FAM186B: variants seen among roughly 807,000 people sequenced by gnomAD.
FAM186B encodes protein FAM186B.
A neutral mutation model predicts 83.4 loss-of-function variants in FAM186B; 68 were observed. The ratio of observed to expected loss-of-function variants is 0.81; its 90% CI spans 0.67 to 1.00. FAM186B has a LOEUF of 1.00. Ranked by LOEUF, FAM186B falls within the 50% of genes least tolerant of loss-of-function variation. The pLI, the probability that FAM186B is intolerant of heterozygous loss-of-function variation, is 0.00. For missense variants in FAM186B, 983 were observed against 1,099.2 expected (o/e 0.89, Z 1.49); for synonymous variants, 389 against 422.0 (o/e 0.92, Z 0.96).
At chr12:49,584,330 A>G, downstream of FAM186B, 1 of 592,294 alleles carries the variant, frequency 1.7e-6, no homozygotes, top group Admixed American at 2.9e-5. Flanking sequence ...TGGGGACTGC[A>G]GGAGGGAAGC....
At chr12:49,587,867 A>AGTGT (rs1939485094) in intron 6 of FAM186B, 115 bp from the exon 7 acceptor site, 2 of 1,151,914 alleles carry the variant, frequency 1.7e-6, no homozygotes, top group Non-Finnish European at 2.4e-6. Context: ...TCTCAAATCG[A>AGTGT]GTGTGTCACT....
the FAM186B span, among the ~76,000 whole-genome samples, chr12:49,621,904 A>C: frequency 6.6e-6 from 1 of 152,140 alleles, no homozygotes; most frequent in Non-Finnish European, 1.5e-5. Context: ...AGAGGTGAAA[A>C]CGTTGCCTCC....
Position 49,600,980 on chromosome 12 carries a change from C to T in FAM186B, c.660G>A (p.Leu220=). The T allele has an allele frequency of 6.2e-7, 1 of 1,614,108 alleles. No homozygotes were observed. Among genetic ancestry groups the T allele is most frequent in the Non-Finnish European group, 8.5e-7 (1 of 1,179,998 alleles). Residue 220 remains leucine (L), a synonymous_variant, in exon 4 of 7, where the codon CTG becomes CTA. Transcript: ENST00000257894. The surrounding 1 kb of genome is among the most constrained non-coding windows in gnomAD (Gnocchi z 4.3). The stretch of plus-strand genomic sequence containing the variant: ...CCCCCTTGCTGAACATGGTAGAGTC[C>T]AGGAGCTCCTGCAGCATGGACGTCA... ...SEVTSMLQEL[L]DSTMFSKGEV... is the part of the protein sequence containing the mutation.
Position 49,603,293 on chromosome 12 carries a change from C to T in FAM186B, c.397G>A (p.Val133Met), listed in dbSNP as rs1178754342. 6.2e-7 allele frequency: 1 copy of T among 1,614,226 alleles called. No homozygotes were observed. Among genetic ancestry groups the T allele is most frequent in the South Asian group, 1.1e-5 (1 of 91,086 alleles). ...EAAALDEWIE[V>M]TEKVLPLSLI... ...GACAGCGGTAACACTTTCTCCGTCA[C>T]TTCAATCCATTCGTCCAGAGCTGCT... The change falls in exon 3 of 7, where the codon GTG (valine) becomes ATG (methionine). Residue 133 changes from valine (V) to methionine (M), a missense_variant. Transcript: ENST00000257894.
At chr12:49,601,577 T>C (rs1939894763) in intron 3 of FAM186B, among the ~76,000 whole-genome samples, 1 of 152,164 alleles carries the variant, frequency 6.6e-6, no homozygotes, top group Admixed American at 6.5e-5. Flanking sequence ...ACTCTGCTTA[T>C]GGAGAATTTA....
In FAM186B at chr12:49,604,334, G is replaced by T. The variant is rs1324088424; in HGVS notation, c.301C>A (p.Leu101Ile). 2 of 1,613,628 alleles carry T rather than the reference G, an allele frequency of 1.2e-6. No individual in the cohort carries two copies. Among genetic ancestry groups the T allele is most frequent in the African/African-American group, 2.7e-5 (2 of 74,936 alleles). Residue 101 changes from leucine (L) to isoleucine (I), a missense_variant, in exon 2 of 7, where the codon CTC becomes ATC. Coordinates refer to ENST00000257894, the MANE Select transcript of FAM186B (RefSeq NM_032130.3). The stretch of plus-strand genomic sequence containing the variant: ...TCACCCCAGTCACCCAGCCAGCGGA[G>T]AATGTCATACAGGTGCTTCTCCTTC... The part of the protein sequence containing the change: ...MMKEKHLYDI[L>I]RWLGDWGDTL...
At chr12:49,610,594 T>A (rs1940074049), upstream of FAM186B, among the ~76,000 whole-genome samples, 1 of 151,526 alleles carries the variant, frequency 6.6e-6, no homozygotes, top group Admixed American at 6.6e-5. Context: ...ACTGAGACCA[T>A]CCTGGCTAAC....
At chr12:49,592,555 G>A (rs1053036302) in intron 5 of FAM186B, among the ~76,000 whole-genome samples, 5 of 152,070 alleles carry the variant, frequency 3.3e-5, no homozygotes, top group South Asian at 4.1e-4. Flanking sequence ...AGGCTGAGGC[G>A]GGTGGATCAC....
chr12:49,600,887 G>T lies in FAM186B; in HGVS notation c.753C>A (p.His251Gln), dbSNP rs1319305740. ...ENLNKALILQ[H>Q]KENRSLETKY... ...TGGTCTCCAGGCTCCTGTTCTCCTT[G>T]TGTTGGAGGATCAAGGCCTTGTTGA... Residue 251 changes from histidine (H) to glutamine (Q), a missense_variant, in exon 4 of 7, where the codon CAC (histidine) becomes CAA (glutamine). Coordinates refer to ENST00000257894, the MANE Select transcript of FAM186B (RefSeq NM_032130.3). The surrounding 1 kb of genome is among the most constrained non-coding windows in gnomAD (Gnocchi z 4.3). The T allele has an allele frequency of 1.9e-6, 3 of 1,614,062 alleles. No homozygotes were observed. The highest frequency in any genetic ancestry group is 2.2e-5 in the East Asian group (1 of 44,896).
chr12:49,588,215 G>A (rs1939493798), intron 6 of FAM186B, among the ~76,000 whole-genome samples: 1 of 152,240 alleles, frequency 6.6e-6, no homozygotes, highest in African/African-American at 2.4e-5. Context: ...CCGTCGCATA[G>A]TTTGAAATGC....
Position 49,600,090 on chromosome 12 carries a change from T to C in FAM186B, c.1550A>G (p.Lys517Arg). Residue 517 changes from lysine to arginine, a missense_variant, in exon 4 of 7, where the codon AAG becomes AGG. Lys to Arg is a conservative substitution (Grantham distance 26). Coordinates refer to ENST00000257894, the MANE Select transcript of FAM186B (RefSeq NM_032130.3). This position sits in a 1 kb window ranked among gnomAD's most constrained non-coding sequence, Gnocchi z 4.3. Reference sequence around the variant, plus strand: ...GTCTTCCAGATTCCACTGCCGCAGCTTCTCCTGATGCTCCTGCTCCAGCAG... The same window carrying C: ...GTCTTCCAGATTCCACTGCCGCAGCCTCTCCTGATGCTCCTGCTCCAGCAG... ...WALLEQEHQE[K>R]LRQWNLEDLA... 6.2e-7 allele frequency: 1 copy of C among 1,610,718 alleles called. No individual in the cohort carries two copies.
At position 49,599,799 on chromosome 12, in the gene FAM186B, A is replaced by T. The variant is rs761666903; in HGVS notation, c.1841T>A (p.Val614Glu). ...GGTCCGTGGTCTGTAGGTAAACTCC[A>T]CTGAACTCATAGGTCTCTGCTTTCC... ...ALGKQRPMSS[V>E]EFTYRPRTRR... The change falls in exon 4 of 7, where the codon GTG (valine) becomes GAG (glutamate). Residue 614 changes from valine to glutamate, a missense_variant. By Grantham distance (121) the Val-to-Glu change is moderately radical (BLOSUM62 -2). Coordinates refer to ENST00000257894, the MANE Select transcript of FAM186B (RefSeq NM_032130.3). 42 of 1,613,570 alleles carry T rather than the reference A, an allele frequency of 2.6e-5. No homozygotes were observed. Among genetic ancestry groups the T allele is most frequent in the Non-Finnish European group, 8.5e-7 (1 of 1,179,826 alleles).
chr12:49,597,782 G>A (rs138830535), intron 5 of FAM186B, among the ~76,000 whole-genome samples: 161 of 152,192 alleles, frequency 1.1e-3, no homozygotes, highest in African/African-American at 3.5e-3. Context: ...AATTGTGGCC[G>A]GGTGTGGTGG....
At chr12:49,594,150 T>C in intron 5 of FAM186B, 1 of 274,674 alleles carries the variant, frequency 3.6e-6, no homozygotes, top group Non-Finnish European at 7.6e-6. Context: ...GTGGAGGATG[T>C]CATGCAGAAA....
rs1322668435 is a variant in FAM186B at position 49,599,901 on chromosome 12, G to T, written c.1739C>A (p.Pro580Gln). ...EKAELSLVPA[P>Q]SRTQSAHQSR... ...TTGGTGAGCAGATTGGGTCCGGCTT[G>T]GGGCAGGCACTAATGATAGCTCTGC... The change falls in exon 4 of 7, where the codon CCA becomes CAA. Residue 580 changes from proline to glutamine, a missense_variant. By Grantham distance (76) the Pro-to-Gln change is moderately conservative. Coordinates refer to ENST00000257894, the MANE Select transcript of FAM186B (RefSeq NM_032130.3). 6.2e-7 allele frequency: 1 copy of T among 1,612,104 alleles called. No individual in the cohort carries two copies. Among genetic ancestry groups the T allele is most frequent in the Admixed American group, 1.7e-5 (1 of 59,912 alleles).
At chr12:49,605,757 T>TA, upstream of FAM186B, 2 of 229,812 alleles carry the variant, frequency 8.7e-6, no homozygotes, top group Non-Finnish European at 8.2e-6. Context: ...TGTTGCCTTT[T>TA]CTTTTTTTTT....
At chr12:49,588,347 G>T in intron 6 of FAM186B, 107 bp downstream of exon 6, 1 of 1,348,198 alleles carries the variant, frequency 7.4e-7, no homozygotes, top group Non-Finnish European at 1.0e-6. Flanking sequence ...GGGTGATATT[G>T]GCCTGTTGGT....
rs1939872288 is a variant in FAM186B at position 49,600,821 on chromosome 12, G to A, written c.819C>T (p.Ser273=). 1.2e-6 allele frequency: 2 copies of A among 1,612,126 alleles called. No homozygotes were observed. Among genetic ancestry groups the A allele is most frequent in the Non-Finnish European group, 8.5e-7 (1 of 1,179,222 alleles). ...HLQMQATKEL[S]SQRLHFQQFM... is the part of the protein sequence containing the mutation. ...ACTGCTGGAAGTGCAGCCTCTGGCT[G>A]CTGAGCTCTTTGGTCGCCTGCATTT... The change falls in exon 4 of 7, where the codon AGC becomes AGT. Residue 273 remains serine, a synonymous_variant. Transcript: ENST00000257894. The surrounding 1 kb of genome is among the most constrained non-coding windows in gnomAD (Gnocchi z 4.3).
upstream of FAM186B, among the ~76,000 whole-genome samples, chr12:49,606,057 C>T (rs922677840): frequency 6.6e-5 from 10 of 152,020 alleles, no homozygotes; most frequent in Admixed American, 2.0e-4. Flanking sequence ...CCACCGTGCC[C>T]GGCCTACTTG....
Sources: gnomAD v4.1 joint callset for allele counts (sites outside exome capture counted in the v4.1 genomes callset) on GRCh38, gnomAD v4.1.1 for gene constraint, Gnocchi (gnomAD v3.1) non-coding constraint, MANE v1.5 for transcripts, NCBI Gene and HGNC (gene_info 2026-07-23, HGNC 2026-07-21) for gene names.